The following CHCHD6 variants were observed in gnomAD, a reference collection of about 807,000 sequenced individuals.
The protein encoded by CHCHD6 is MICOS complex subunit MIC25.
Under a neutral mutation model 32.3 loss-of-function variants are expected in CHCHD6, and 28 were observed. The observed-to-expected ratio is 0.87, with a 90% CI of 0.64 to 1.19. The LOEUF is 1.19. CHCHD6 is among the 50% of genes most tolerant of loss of function. The pLI, the probability that CHCHD6 is intolerant of heterozygous loss-of-function variation, is 0.00. For missense variants in CHCHD6, 333 were observed against 307.0 expected (o/e 1.08, Z -0.63); for synonymous variants, 122 against 117.5 (o/e 1.04, Z -0.25).
chr3:126,952,693 C>T (rs543686241), intron 6 of CHCHD6, among the ~76,000 whole-genome samples: 1 of 152,126 alleles, frequency 6.6e-6, no homozygotes, highest in Non-Finnish European at 1.5e-5. Flanking sequence ...AAGGGGGTTT[C>T]GATTTGAAAA....
intron 4 of CHCHD6, among the ~76,000 whole-genome samples, chr3:126,798,816 A>G (rs781115780): frequency 2.0e-5 from 3 of 152,144 alleles, no homozygotes; most frequent in Non-Finnish European, 2.9e-5. Context: ...CTCTCACTCC[A>G]TGTGGGCTCC....
intron 4 of CHCHD6, among the ~76,000 whole-genome samples, chr3:126,778,290 A>G (rs986609106): frequency 6.6e-6 from 1 of 152,148 alleles, no homozygotes; most frequent in Non-Finnish European, 1.5e-5. Context: ...ATACTTTGCA[A>G]TGGAATGGTT....
At chr3:126,939,864 C>T (rs138747412) in intron 6 of CHCHD6, among the ~76,000 whole-genome samples, 2 of 152,306 alleles carry the variant, frequency 1.3e-5, no homozygotes, top group Non-Finnish European at 2.9e-5. Flanking sequence ...CATTCCTTCA[C>T]TCTGCATTTC....
At chr3:126,854,336 A>G (rs1941580146) in intron 5 of CHCHD6, among the ~76,000 whole-genome samples, 1 of 152,118 alleles carries the variant, frequency 6.6e-6, no homozygotes, top group African/African-American at 2.4e-5. Context: ...ACTCTTAAAC[A>G]CAGCATTTTG....
chr3:126,786,341 C>T (rs1330402398), intron 4 of CHCHD6, among the ~76,000 whole-genome samples: 1 of 152,036 alleles, frequency 6.6e-6, no homozygotes, highest in African/African-American at 2.4e-5. Flanking sequence ...GGGTATATAC[C>T]CAGTAATGGG....
At chr3:126,889,489 C>T (rs182210545) in intron 5 of CHCHD6, among the ~76,000 whole-genome samples, 2 of 152,302 alleles carry the variant, frequency 1.3e-5, no homozygotes, top group East Asian at 3.9e-4. Flanking sequence ...ACTCGGGCTC[C>T]TCAGCACCCA....
chr3:126,852,329 CATG>C (rs1941502834), intron 4 of CHCHD6, among the ~76,000 whole-genome samples: 1 of 152,138 alleles, frequency 6.6e-6, no homozygotes, highest in Non-Finnish European at 1.5e-5. Context: ...AGCAGGGGAT[CATG>C]ATGATCCCAC....
chr3:126,727,046 C>G, intron 1 of CHCHD6, 32 bp from the exon 2 acceptor site: 1 of 1,520,012 alleles, frequency 6.6e-7, no homozygotes, highest in Non-Finnish European at 9.1e-7. Context: ...TGTGACATAA[C>G]TTTTTCTTTT....
chr3:126,892,645 C>T (rs942335907), intron 5 of CHCHD6, among the ~76,000 whole-genome samples: 5 of 152,248 alleles, frequency 3.3e-5, no homozygotes, highest in African/African-American at 4.8e-5. Context: ...CTTTCCTTCT[C>T]TGCATAAACC....
chr3:126,716,867 C>T (rs1371463159), intron 1 of CHCHD6, among the ~76,000 whole-genome samples: 2 of 152,062 alleles, frequency 1.3e-5, no homozygotes, highest in African/African-American at 4.8e-5. Flanking sequence ...TGCGTGCAGT[C>T]CCCTTTGAGG....
chr3:126,887,636 A>G (rs916548362), intron 5 of CHCHD6, among the ~76,000 whole-genome samples: 5 of 152,104 alleles, frequency 3.3e-5, no homozygotes, highest in Non-Finnish European at 5.9e-5. Context: ...CGGGCCTCCT[A>G]TTCCCATCGG....
intron 4 of CHCHD6, among the ~76,000 whole-genome samples, chr3:126,734,525 G>A (rs576678611): frequency 1.3e-5 from 2 of 152,352 alleles, no homozygotes; most frequent in Non-Finnish European, 2.9e-5. Flanking sequence ...AATGTTTGAA[G>A]TGTGCAGTAG....
At chr3:126,765,012 C>T (rs923887436) in intron 4 of CHCHD6, among the ~76,000 whole-genome samples, 65 of 151,972 alleles carry the variant, frequency 4.3e-4, no homozygotes, top group African/African-American at 1.5e-3. Flanking sequence ...CCTCCAAGGG[C>T]GGGAGTCACG....
intron 4 of CHCHD6, among the ~76,000 whole-genome samples, chr3:126,780,187 T>G (rs1414604853): frequency 1.3e-5 from 2 of 152,256 alleles, no homozygotes; most frequent in African/African-American, 4.8e-5. Flanking sequence ...AGCTTGGGTC[T>G]AGCCATCCAG....
chr3:126,729,610 C>A (rs559706761), intron 2 of CHCHD6, among the ~76,000 whole-genome samples: 13 of 152,230 alleles, frequency 8.5e-5, no homozygotes, highest in Non-Finnish European at 1.8e-4. Flanking sequence ...CAGTTGAGAA[C>A]CTGGTGTGTT....
intron 4 of CHCHD6, among the ~76,000 whole-genome samples, chr3:126,783,641 G>A (rs1015903623): frequency 1.3e-5 from 2 of 152,126 alleles, no homozygotes; most frequent in Admixed American, 6.5e-5. Flanking sequence ...TACTAATAAT[G>A]ACCTATCTGA....
At chr3:126,806,130 C>T (rs1349488135) in intron 4 of CHCHD6, among the ~76,000 whole-genome samples, 6 of 152,156 alleles carry the variant, frequency 3.9e-5, no homozygotes, top group African/African-American at 9.7e-5. Context: ...CCATTCAGGA[C>T]ATAGGCATGG....
chr3:126,922,048 T>C (rs2078258216), intron 6 of CHCHD6, among the ~76,000 whole-genome samples: 1 of 152,238 alleles, frequency 6.6e-6, no homozygotes, highest in Non-Finnish European at 1.5e-5. Flanking sequence ...AGGAAACGTT[T>C]TCTATGCAGA....
At chr3:126,771,240 C>T (rs1373760211) in intron 4 of CHCHD6, among the ~76,000 whole-genome samples, 1 of 143,572 alleles carries the variant, frequency 7.0e-6, no homozygotes, top group East Asian at 2.0e-4. Flanking sequence ...GAGTCTTGCT[C>T]TGTCGCCAGA....
Sources: allele counts gnomAD v4.1 joint callset (sites outside exome capture counted in the v4.1 genomes callset), GRCh38; gene constraint gnomAD v4.1.1; transcripts MANE v1.5; gene names NCBI Gene and HGNC (gene_info 2026-07-23, HGNC 2026-07-21).